The following PKHD1L1 variants were observed in gnomAD, a reference collection of about 807,000 sequenced individuals.
The protein encoded by PKHD1L1 is fibrocystin-L.
PKHD1L1 carries 434 observed loss-of-function variants against 462.9 expected under a neutral mutation model. The observed-to-expected ratio is 0.94, with a 90% CI of 0.87 to 1.02. The LOEUF (loss-of-function observed/expected upper bound fraction) is 1.02, where lower values mean the gene tolerates loss of function less well. Ranked by LOEUF, PKHD1L1 falls within the 50% of genes least tolerant of loss-of-function variation. The pLI, the probability that PKHD1L1 is intolerant of heterozygous loss-of-function variation, is 0.00. For missense variants in PKHD1L1, 5,202 were observed against 5,096.1 expected, an observed-to-expected ratio of 1.02 and a Z score of -0.63; for synonymous variants, 1,781 against 1,750.0, an observed-to-expected ratio of 1.02 and a Z score of -0.44.
In PKHD1L1 at chr8:109,535,462, C is replaced by T. The variant is rs570397476; in HGVS notation, c.*5372C>T. Among the ~76,000 whole-genome samples, 1 of 152,218 alleles carries T rather than the reference C, an allele frequency of 6.6e-6. No individual in the cohort carries two copies. Among genetic ancestry groups the T allele is most frequent in the African/African-American group, 2.4e-5 (1 of 41,544 alleles). On this transcript the variant is annotated 3_prime_UTR_variant, in exon 78 of 78. Coordinates refer to ENST00000378402, the MANE Select transcript of PKHD1L1 (RefSeq NM_177531.6). ...TTTAATTTCAAATAAGAACTACGTACAAAATATAGATTTAAATTAATTTTC... is the reference window on the plus strand; with the variant it reads ...TTTAATTTCAAATAAGAACTACGTATAAAATATAGATTTAAATTAATTTTC...
intron 2 of PKHD1L1, among the ~76,000 whole-genome samples, chr8:109,365,097 G>A (rs1267213759): frequency 6.6e-6 from 1 of 152,166 alleles, no homozygotes; most frequent in Non-Finnish European, 1.5e-5. Flanking sequence ...CCCAACCTCA[G>A]GCTTCATAAA....
At chr8:109,492,840 C>A (rs933765392) in intron 62 of PKHD1L1, among the ~76,000 whole-genome samples, 3 of 151,688 alleles carry the variant, frequency 2.0e-5, no homozygotes, top group African/African-American at 7.2e-5. Flanking sequence ...TAGGGAAGAA[C>A]GAAATGTGTG....
At chr8:109,397,554 G>A (rs1813043946) in intron 11 of PKHD1L1, among the ~76,000 whole-genome samples, 1 of 152,120 alleles carries the variant, frequency 6.6e-6, no homozygotes, top group Non-Finnish European at 1.5e-5. Context: ...AGCTGGCATA[G>A]TGGCACATGC....
intron 50 of PKHD1L1, among the ~76,000 whole-genome samples, chr8:109,469,973 T>C (rs1338253572): frequency 6.6e-6 from 1 of 152,230 alleles, no homozygotes; most frequent in Non-Finnish European, 1.5e-5. Context: ...AATAGTTTCT[T>C]ATTTAATCAT....
chr8:109,515,288 A>G lies in PKHD1L1; in HGVS notation c.11672A>G (p.Asn3891Ser). Residue 3891 changes from asparagine to serine, a missense_variant, in exon 72 of 78, where the codon AAT (asparagine) becomes AGT (serine). By Grantham distance (46) the Asn-to-Ser change is conservative. This residue lies in a region of PKHD1L1 where 698 missense variants were observed against 736.3 expected (regional missense o/e 0.95). Coordinates refer to ENST00000378402, the MANE Select transcript of PKHD1L1 (RefSeq NM_177531.6). The stretch of plus-strand genomic sequence containing the variant: ...GCCCAGCAGAAACACTGTGAACTTA[A>G]TAACCATCTGTACAAAGGTATTGTC... ...WNAQQKHCEL[N>S]NHLYKDQFLP... 3 of 1,597,184 alleles carry G rather than the reference A, an allele frequency of 1.9e-6. No individual in the cohort carries two copies. The highest frequency in any genetic ancestry group is 2.6e-6 in the Non-Finnish European group (3 of 1,170,214).
intron 55 of PKHD1L1, 28 bp downstream of exon 55, chr8:109,480,167 T>C: frequency 1.3e-6 from 2 of 1,506,678 alleles, no homozygotes; most frequent in Non-Finnish European, 8.8e-7. Context: ...GTAGTTTATA[T>C]CTTTATTAAT....
intron 50 of PKHD1L1, among the ~76,000 whole-genome samples, chr8:109,471,315 A>G (rs1383332031): frequency 6.6e-6 from 1 of 152,126 alleles, no homozygotes; most frequent in Non-Finnish European, 1.5e-5. Flanking sequence ...TGTCATTTGC[A>G]CACAAAAATA....
rs115524420 is a variant in PKHD1L1, at chr8:109,521,525, A to G, written c.12032-661A>G. Among the ~76,000 whole-genome samples the G allele has an allele frequency of 5.3e-3, 807 of 152,300 alleles. 10 individuals carry two copies. The highest frequency in any genetic ancestry group is 0.018 in the African/African-American group (738 of 41,578). The stretch of plus-strand genomic sequence containing the variant: ...TGGTGTAGTGGAGAGGTGAAGGAGC[A>G]GGGATTAAGCAAAACTACTAGGCTT... On this transcript the variant is annotated intron_variant, in intron 73 of 77. Transcript: ENST00000378402.
chr8:109,410,124 G>T (rs36091071), intron 19 of PKHD1L1, 146 bp downstream of exon 19: 7,062 of 516,726 alleles, frequency 0.014, 83 homozygotes, highest in Non-Finnish European at 0.02. Context: ...TACATTTGTT[G>T]TAAGGGCTGT....
intron 29 of PKHD1L1, among the ~76,000 whole-genome samples, chr8:109,435,678 G>A (rs117816907): frequency 6.6e-6 from 1 of 152,282 alleles, no homozygotes; most frequent in East Asian, 1.9e-4. Flanking sequence ...TGCTTCGTTT[G>A]TAACCACAGT....
intron 4 of PKHD1L1, among the ~76,000 whole-genome samples, chr8:109,383,462 A>G (rs1172385143): frequency 1.6e-5 from 2 of 128,368 alleles, no homozygotes; most frequent in African/African-American, 5.8e-5. Flanking sequence ...TATATATAAT[A>G]TATAAATATA....
intron 50 of PKHD1L1, among the ~76,000 whole-genome samples, chr8:109,471,441 A>G (rs2130855841): frequency 6.6e-6 from 1 of 152,310 alleles, no homozygotes; most frequent in African/African-American, 2.4e-5. Context: ...CTTGCCTTGA[A>G]ATTTACACAG....
chr8:109,419,148 T>C lies in PKHD1L1; in HGVS notation c.2412T>C (p.Thr804=). ...TGGATCTCGTAAGAACGAAATACAC[T>C]GGGACAAATGTTTCTCTTCAGAGGA... ...DLLDLVRTKY[T]GTNVSLQRIS... The change falls in exon 22 of 78, where the codon ACT becomes ACC. Residue 804 remains threonine (T), a synonymous_variant. Transcript: ENST00000378402. 6.2e-7 allele frequency: 1 copy of C among 1,613,668 alleles called. No individual in the cohort carries two copies. Among genetic ancestry groups the C allele is most frequent in the South Asian group, 1.1e-5 (1 of 91,058 alleles).
chr8:109,415,207 GC>G (rs1370126643), intron 21 of PKHD1L1, among the ~76,000 whole-genome samples: 1 of 151,648 alleles, frequency 6.6e-6, no homozygotes, highest in Middle Eastern at 3.2e-3. Flanking sequence ...TTGCCATGTT[GC>G]CACAGCTGGT....
intron 67 of PKHD1L1, 148 bp downstream of exon 67, chr8:109,498,919 G>T: frequency 1.4e-6 from 1 of 710,286 alleles, no homozygotes. Context: ...TCAGACATCA[G>T]AGTCAATTTT....
chr8:109,497,911 A>C (rs556873372), intron 65 of PKHD1L1, among the ~76,000 whole-genome samples: 2 of 152,134 alleles, frequency 1.3e-5, no homozygotes, highest in Non-Finnish European at 2.9e-5. Flanking sequence ...CAGAAACATA[A>C]CATGTCCTTA....
chr8:109,410,682 A>G (rs184284712), intron 19 of PKHD1L1, among the ~76,000 whole-genome samples: 1 of 141,324 alleles, frequency 7.1e-6, no homozygotes, highest in East Asian at 2.1e-4. Flanking sequence ...ATCCAAAATC[A>G]TGTAATTTTG....
At chr8:109,474,174 T>G (rs1254653897) in intron 50 of PKHD1L1, among the ~76,000 whole-genome samples, 1 of 152,218 alleles carries the variant, frequency 6.6e-6, no homozygotes, top group Non-Finnish European at 1.5e-5. Flanking sequence ...TTTTCTCTCA[T>G]GGCTTTGGAA....
At chr8:109,519,603 C>T (rs537824636) in intron 73 of PKHD1L1, among the ~76,000 whole-genome samples, 225 of 152,188 alleles carry the variant, frequency 1.5e-3, no homozygotes, top group Non-Finnish European at 2.2e-3. Flanking sequence ...GTGTACCCCT[C>T]CCCAAGAACA....
Sources: gnomAD v4.1 joint callset for allele counts (sites outside exome capture counted in the v4.1 genomes callset) on GRCh38, gnomAD v4.1.1 for gene constraint, gnomAD v4.1.1 regional missense constraint, MANE v1.5 for transcripts, NCBI Gene and HGNC (gene_info 2026-07-23, HGNC 2026-07-21) for gene names.